The following PTPRN2 variants were observed in gnomAD, a reference collection of about 807,000 sequenced individuals.
PTPRN2 encodes the protein receptor-type tyrosine-protein phosphatase N2.
PTPRN2 carries 74 observed loss-of-function variants against 118.8 expected under a neutral mutation model. The observed-to-expected ratio is 0.62, with a 90% CI of 0.52 to 0.76. The LOEUF (loss-of-function observed/expected upper bound fraction) is 0.76. PTPRN2 is among the 30% of genes least tolerant of loss of function. PTPRN2 has a pLI of 0.00. For synonymous variants in PTPRN2, 641 were observed against 608.0 expected, an observed-to-expected ratio of 1.05 and a Z score of -0.80; for missense variants, 1,481 against 1,394.4, an observed-to-expected ratio of 1.06 and a Z score of -0.99.
At chr7:157,809,557 T>C (rs11972416) in intron 12 of PTPRN2, among the ~76,000 whole-genome samples, 20,148 of 152,206 alleles carry the variant, frequency 0.13, 1,468 homozygotes, top group Non-Finnish European at 0.15. Flanking sequence ...ATAGGGTCTC[T>C]GTGGATGGAG....
chr7:157,737,824 T>C (rs1341859662), intron 12 of PTPRN2, among the ~76,000 whole-genome samples: 2 of 152,232 alleles, frequency 1.3e-5, no homozygotes, highest in Non-Finnish European at 2.9e-5. Flanking sequence ...GGAATTAGGA[T>C]GCTGTGCGTT....
chr7:157,966,484 A>C (rs1801938828), intron 11 of PTPRN2, among the ~76,000 whole-genome samples: 3 of 148,028 alleles, frequency 2.0e-5, no homozygotes, highest in African/African-American at 7.5e-5. Flanking sequence ...TTATCATCAC[A>C]ATCCCCATTA....
At position 158,246,203 on chromosome 7, in the gene PTPRN2, G is replaced by C. The variant is rs73176132; in HGVS notation, c.278-40930C>G. Among the ~76,000 whole-genome samples, 269 of 151,590 alleles carry C rather than the reference G, an allele frequency of 1.8e-3. 5 individuals carry two copies. The highest frequency in any genetic ancestry group is 2.5e-3 in the Non-Finnish European group (169 of 67,940). On this transcript the variant is annotated intron_variant, in intron 3 of 22. Transcript: ENST00000389418. ...TTCTCGTAAGCTTCTCGGCACATAC[G>C]GCAAAATATAAATACCCCACATGAA...
intron 13 of PTPRN2, among the ~76,000 whole-genome samples, chr7:157,675,950 G>T (rs572843167): frequency 2.0e-5 from 3 of 151,796 alleles, no homozygotes; most frequent in Non-Finnish European, 4.4e-5. Flanking sequence ...GGCAAGAGGG[G>T]AATAAGATAA....
intron 12 of PTPRN2, among the ~76,000 whole-genome samples, chr7:157,875,054 G>GAC (rs149916225): frequency 1.2e-4 from 18 of 150,516 alleles, no homozygotes; most frequent in African/African-American, 2.0e-4. Context: ...CGCACACACA[G>GAC]ACACACACAC....
Position 158,192,332 on chromosome 7 carries a change from C to G in PTPRN2, c.544G>C (p.Ala182Pro). 2.0e-6 allele frequency: 3 copies of G among 1,474,646 alleles called. No individual in the cohort carries two copies. Among genetic ancestry groups the G allele is most frequent in the Non-Finnish European group, 2.7e-6 (3 of 1,120,104 alleles). The allele number at this position is 1,474,646 out of a possible 1,614,324, so 91.3% of individuals were successfully genotyped here. The change falls in exon 5 of 23, where the codon GCT becomes CCT. Residue 182 changes from alanine to proline, a missense_variant. By Grantham distance (27) the Ala-to-Pro change is conservative (BLOSUM62 -1). Transcript: ENST00000389418. ...RTHTAQDRPP[A>P]EGDDRFSESI... ...GGAGGAAGTGGAAGGGTCACCTCAG[C>G]GGGGGGTCTGTCCTGCGCCGTATGG...
chr7:158,150,003 C>T (rs958037487), intron 6 of PTPRN2, among the ~76,000 whole-genome samples: 1 of 152,176 alleles, frequency 6.6e-6, no homozygotes, highest in African/African-American at 2.4e-5. Flanking sequence ...AGCCTCATTA[C>T]AGACACATCA....
At chr7:158,363,026 G>A (rs1333851112) in intron 2 of PTPRN2, among the ~76,000 whole-genome samples, 7 of 152,172 alleles carry the variant, frequency 4.6e-5, no homozygotes, top group East Asian at 1.9e-4. Flanking sequence ...GAACAGAGGC[G>A]GCCCCAGCTG....
At chr7:157,805,011 GT>G (rs1259922849) in intron 12 of PTPRN2, among the ~76,000 whole-genome samples, 1 of 152,190 alleles carries the variant, frequency 6.6e-6, no homozygotes, top group African/African-American at 2.4e-5. Flanking sequence ...CTGCCTCAGC[GT>G]GGGGTGGGAG....
At chr7:157,922,495 G>A (rs1423602703) in intron 11 of PTPRN2, among the ~76,000 whole-genome samples, 1 of 152,186 alleles carries the variant, frequency 6.6e-6, no homozygotes, top group Non-Finnish European at 1.5e-5. Context: ...TGCAGAATTG[G>A]AATTGCATTG....
At chr7:158,115,142 C>T (rs1417494533) in intron 9 of PTPRN2, among the ~76,000 whole-genome samples, 2 of 152,148 alleles carry the variant, frequency 1.3e-5, no homozygotes, top group African/African-American at 4.8e-5. Flanking sequence ...ATAACCACTG[C>T]ATCCCAGCCT....
intron 13 of PTPRN2, among the ~76,000 whole-genome samples, chr7:157,679,248 A>G (rs922880430): frequency 2.0e-5 from 3 of 152,262 alleles, no homozygotes; most frequent in Admixed American, 6.5e-5. Flanking sequence ...AGAAAAAACA[A>G]CATTTACTAA....
intron 12 of PTPRN2, among the ~76,000 whole-genome samples, chr7:157,734,661 A>G (rs1800195250): frequency 6.6e-6 from 1 of 152,230 alleles, no homozygotes; most frequent in Non-Finnish European, 1.5e-5. Context: ...CTCTGCTCCC[A>G]TCTTACTGAA....
intron 2 of PTPRN2, among the ~76,000 whole-genome samples, chr7:158,350,949 C>T (rs1807879657): frequency 1.3e-5 from 2 of 152,198 alleles, no homozygotes; most frequent in South Asian, 4.1e-4. Flanking sequence ...GTTTCCAAAT[C>T]CCACCCGGCA....
At chr7:157,681,215 T>C (rs1796900745) in intron 13 of PTPRN2, among the ~76,000 whole-genome samples, 1 of 152,242 alleles carries the variant, frequency 6.6e-6, no homozygotes, top group South Asian at 2.1e-4. Flanking sequence ...TAAAAATCTC[T>C]GCCTGTATGA....
intron 13 of PTPRN2, among the ~76,000 whole-genome samples, chr7:157,675,387 C>T (rs1412702448): frequency 2.6e-5 from 4 of 152,214 alleles, no homozygotes; most frequent in Admixed American, 6.5e-5. Context: ...CCCCCCAGGG[C>T]CCCGGACCAC....
chr7:158,248,363 C>T (rs1796393538), intron 3 of PTPRN2, among the ~76,000 whole-genome samples: 1 of 152,194 alleles, frequency 6.6e-6, no homozygotes, highest in South Asian at 2.1e-4. Flanking sequence ...GTACCCCGAC[C>T]ACGTGGGGAC....
At chr7:157,848,693 G>A (rs1809057419) in intron 12 of PTPRN2, among the ~76,000 whole-genome samples, 1 of 152,378 alleles carries the variant, frequency 6.6e-6, no homozygotes, top group Non-Finnish European at 1.5e-5. Context: ...GGGATCCCAT[G>A]AAGGTTCTGT....
intron 12 of PTPRN2, among the ~76,000 whole-genome samples, chr7:157,792,238 C>T (rs1395131482): frequency 6.6e-6 from 1 of 152,252 alleles, no homozygotes; most frequent in African/African-American, 2.4e-5. Flanking sequence ...GCAGCCCGCA[C>T]TGAGCCAGCA....
Sources: gnomAD v4.1 joint callset for allele counts (sites outside exome capture counted in the v4.1 genomes callset) on GRCh38, gnomAD v4.1.1 for gene constraint, MANE v1.5 for transcripts, NCBI Gene and HGNC (gene_info 2026-07-23, HGNC 2026-07-21) for gene names.